DNAJC10: variants seen among roughly 807,000 people sequenced by gnomAD.
DNAJC10 encodes DnaJ heat shock protein family (Hsp40) member C10.
In DNAJC10, 101 loss-of-function variants were observed where a neutral mutation model predicts 115.0. The observed-to-expected ratio is 0.88, with a 90% confidence interval of 0.75 to 1.04. The LOEUF (loss-of-function observed/expected upper bound fraction) is 1.04, where lower values mean the gene tolerates loss of function less well. Among genes scored for constraint, DNAJC10 ranks in the 50% least tolerant of loss-of-function variants. DNAJC10 has a pLI of 0.00. For synonymous variants in DNAJC10, 307 were observed against 301.5 expected (o/e 1.02, Z -0.19); for missense variants, 981 against 928.8 (o/e 1.06, Z -0.73).
chr2:182,739,468 ATATAT>A (rs1161275303), intron 11 of DNAJC10: 26 of 1,026,638 alleles, frequency 2.5e-5, no homozygotes, highest in Non-Finnish European at 3.0e-5. Flanking sequence ...AATTAAAGAC[ATATAT>A]TAAACTCTGT....
intron 14 of DNAJC10, among the ~76,000 whole-genome samples, chr2:182,745,266 T>A (rs767719129): frequency 2.0e-5 from 3 of 152,198 alleles, no homozygotes; most frequent in Non-Finnish European, 4.4e-5. Context: ...CTCTGCCAGT[T>A]TTTCCAGTCT....
chr2:182,775,355 A>G lies in DNAJC10; in HGVS notation c.2305A>G (p.Lys769Glu), dbSNP rs764863281. 1.2e-6 allele frequency: 2 copies of G among 1,613,118 alleles called. No individual in the cohort carries two copies. Among genetic ancestry groups the G allele is most frequent in the African/African-American group, 2.7e-5 (2 of 74,914 alleles). ...QEEQINTRDA[K>E]AIAALISEKL... ...AGAGCAGATAAATACCAGAGATGCA[A>G]AAGCAATCGCTGCCTTAATAAGTGA... Residue 769 changes from lysine (K) to glutamate (E), a missense_variant, in exon 23 of 24, where the codon AAA (lysine) becomes GAA (glutamate). Coordinates refer to ENST00000264065, the MANE Select transcript of DNAJC10 (RefSeq NM_018981.4).
intron 5 of DNAJC10, among the ~76,000 whole-genome samples, chr2:182,725,595 A>G (rs1693263170): frequency 6.6e-6 from 1 of 152,214 alleles, no homozygotes; most frequent in Admixed American, 6.5e-5. Flanking sequence ...AAGCCTAACC[A>G]GAGAAAGACC....
intron 14 of DNAJC10, among the ~76,000 whole-genome samples, chr2:182,747,634 G>T (rs1489253097): frequency 6.6e-6 from 1 of 151,988 alleles, no homozygotes; most frequent in Non-Finnish European, 1.5e-5. Flanking sequence ...TTTGGGCTGA[G>T]ACAATGTGGT....
chr2:182,730,408 C>A, intron 8 of DNAJC10: 1 of 268,248 alleles, frequency 3.7e-6, no homozygotes, highest in Non-Finnish European at 7.4e-6. Context: ...AGTAAAGTTA[C>A]GTGTCAGAAA....
chr2:182,737,810 A>G (rs1305888251), intron 11 of DNAJC10, among the ~76,000 whole-genome samples: 2 of 152,226 alleles, frequency 1.3e-5, no homozygotes, highest in Non-Finnish European at 2.9e-5. Context: ...TATTCAAGCC[A>G]AATGCCCTGG....
At position 182,741,247 on chromosome 2, in the gene DNAJC10, G is replaced by C. The variant is rs201121755; in HGVS notation, c.1082G>C (p.Arg361Pro). 13 of 1,593,154 alleles carry C rather than the reference G, an allele frequency of 8.2e-6. No homozygotes were observed. The highest frequency in any genetic ancestry group is 1.1e-5 in the Non-Finnish European group (13 of 1,167,596). ...GTTTTCTTTATCACTTTTAAGGATCGTTTGGCTCATCATCGGTGGCTGTTA... is the reference window on the plus strand; with the variant it reads ...GTTTTCTTTATCACTTTTAAGGATCCTTTGGCTCATCATCGGTGGCTGTTA... Reference protein sequence around the residue: ...ELLSANTLEDRLAHHRWLLFF... With the variant: ...ELLSANTLEDPLAHHRWLLFF... Residue 361 changes from arginine (R) to proline (P), a missense_variant, in exon 13 of 24, where the codon CGT (arginine) becomes CCT (proline). By Grantham distance (103) the Arg-to-Pro change is moderately radical (BLOSUM62 -2). Transcript: ENST00000264065.
rs973461002 is a variant in DNAJC10 at position 182,725,663 on chromosome 2, T to C, written c.419-2913T>C. On this transcript the variant is annotated intron_variant, in intron 5 of 23. Transcript: ENST00000264065. ...AGATGAAGAAGCTGCAGAAAAAAGT[T>C]TGAAGCTAGAAAAGGTTGGTTCATG... Among the ~76,000 whole-genome samples, 3 of 152,266 alleles carry C rather than the reference T, an allele frequency of 2.0e-5. No individual in the cohort carries two copies. The East Asian group carries it at 5.8e-4, about 29-fold the overall frequency.
At chr2:182,747,186 T>G (rs1693889816) in intron 14 of DNAJC10, among the ~76,000 whole-genome samples, 1 of 150,622 alleles carries the variant, frequency 6.6e-6, no homozygotes. Context: ...CTTTGTTCTT[T>G]TGGCTTAGGA....
At position 182,778,613 on chromosome 2, in the gene DNAJC10, A is replaced by G. The variant is rs1230404288; in HGVS notation, c.*1481A>G. 2.6e-5 allele frequency: 4 copies of G among 152,150 alleles called. No homozygotes were observed. The highest frequency in any genetic ancestry group is 5.9e-5 in the Non-Finnish European group (4 of 68,040). The allele number at this position is 152,150 out of a possible 1,614,324, so 9.4% of individuals were successfully genotyped here. On this transcript the variant is annotated 3_prime_UTR_variant, in exon 24 of 24. Transcript: ENST00000264065. ...CCAGTATTTCCTCATAAGGGTTATT[A>G]TAGCCATAATTAATGTTAAAATAGA...
At chr2:182,723,305 C>T (rs1410917528) in intron 5 of DNAJC10, among the ~76,000 whole-genome samples, 3 of 152,018 alleles carry the variant, frequency 2.0e-5, no homozygotes, top group African/African-American at 7.2e-5. Flanking sequence ...GTTGGCCTCC[C>T]AAAGTGCCAG....
chr2:182,762,571 A>C, intron 21 of DNAJC10, 111 bp from the exon 22 acceptor site: 1 of 1,151,248 alleles, frequency 8.7e-7, no homozygotes, highest in Middle Eastern at 2.3e-4. Context: ...GAAGAATTAA[A>C]GTTTTTTAAA....
intron 14 of DNAJC10, among the ~76,000 whole-genome samples, chr2:182,746,341 G>T (rs964727652): frequency 6.6e-6 from 1 of 152,138 alleles, no homozygotes; most frequent in African/African-American, 2.4e-5. Flanking sequence ...CTAGTTTACA[G>T]TCCCACCAAC....
At chr2:182,753,579 GTTTTTTTTTT>G (rs56151760) in intron 16 of DNAJC10, among the ~76,000 whole-genome samples, 2 of 99,400 alleles carry the variant, frequency 2.0e-5, no homozygotes, top group African/African-American at 7.9e-5. Flanking sequence ...CTTTAGTTTA[GTTTTTTTTTT>G]TTTTTTTTTT....
At chr2:182,746,995 C>T (rs1474904450) in intron 14 of DNAJC10, among the ~76,000 whole-genome samples, 1 of 152,014 alleles carries the variant, frequency 6.6e-6, no homozygotes, top group South Asian at 2.1e-4. Context: ...GGAATCCTTT[C>T]CCCATTGCTT....
At chr2:182,727,394 T>G (rs1297791463) in intron 5 of DNAJC10, among the ~76,000 whole-genome samples, 2 of 152,254 alleles carry the variant, frequency 1.3e-5, no homozygotes, top group Non-Finnish European at 2.9e-5. Flanking sequence ...GCTGATAAGA[T>G]AATCCCTTCT....
chr2:182,776,915 C>G (rs936626434), intron 23 of DNAJC10, among the ~76,000 whole-genome samples: 4 of 152,146 alleles, frequency 2.6e-5, no homozygotes, highest in African/African-American at 9.7e-5. Context: ...TTAGTAATAT[C>G]TGCTGTGAGC....
At chr2:182,765,398 A>C (rs1409078682) in intron 22 of DNAJC10, among the ~76,000 whole-genome samples, 1 of 152,104 alleles carries the variant, frequency 6.6e-6, no homozygotes, top group Admixed American at 6.6e-5. Context: ...AACATTAAAA[A>C]CGGGGATTTA....
intron 10 of DNAJC10, among the ~76,000 whole-genome samples, chr2:182,733,064 T>TA (rs1693492187): frequency 6.6e-6 from 1 of 152,034 alleles, no homozygotes; most frequent in African/African-American, 2.4e-5. Context: ...GGTGTAGTAT[T>TA]ACATTTATTA....
Sources: gnomAD v4.1 joint callset for allele counts (sites outside exome capture counted in the v4.1 genomes callset) on GRCh38, gnomAD v4.1.1 for gene constraint, MANE v1.5 for transcripts, NCBI Gene and HGNC (gene_info 2026-07-23, HGNC 2026-07-21) for gene names.